PCDHA13: variants seen among roughly 807,000 people sequenced by gnomAD.
The protein encoded by PCDHA13 is protocadherin alpha-13.
A neutral mutation model predicts 64.8 loss-of-function variants in PCDHA13; 54 were observed. That is an observed-to-expected ratio of 0.83 (90% CI 0.67 to 1.04). The LOEUF is 1.04. PCDHA13 is among the 50% of genes least tolerant of loss of function. The pLI, the probability that PCDHA13 is intolerant of heterozygous loss-of-function variation, is 0.00. For missense variants in PCDHA13, 1,248 were observed against 1,254.3 expected, an observed-to-expected ratio of 0.99 and a Z score of 0.08; for synonymous variants, 587 against 564.4, an observed-to-expected ratio of 1.04 and a Z score of -0.57.
At chr5:140,936,244 T>C (rs879962489) in intron 1 of PCDHA13, among the ~76,000 whole-genome samples, 13 of 152,192 alleles carry the variant, frequency 8.5e-5, no homozygotes, top group Non-Finnish European at 1.6e-4. Context: ...AGAAAACATA[T>C]CCTGCTTCAA....
intron 1 of PCDHA13, among the ~76,000 whole-genome samples, chr5:140,900,334 G>A (rs552378783): frequency 4.2e-4 from 64 of 152,060 alleles, no homozygotes; most frequent in East Asian, 1.6e-3. Context: ...CTGGAGTACC[G>A]TGGCGCAATC....
At chr5:140,959,343 C>T (rs1370310453) in intron 1 of PCDHA13, among the ~76,000 whole-genome samples, 1 of 152,052 alleles carries the variant, frequency 6.6e-6, no homozygotes, top group Admixed American at 6.6e-5. Context: ...CTACTGCACT[C>T]CAGCGGGACA....
chr5:140,989,128 G>A (rs2097330831), intron 3 of PCDHA13: 1 of 152,178 alleles, frequency 6.6e-6, no homozygotes, highest in Non-Finnish European at 1.5e-5. Flanking sequence ...AGAAAAATAA[G>A]ACACTTTATC....
At chr5:140,993,151 TC>T (rs2097543126) in intron 3 of PCDHA13, among the ~76,000 whole-genome samples, 1 of 152,246 alleles carries the variant, frequency 6.6e-6, no homozygotes, top group Admixed American at 6.5e-5. Flanking sequence ...ATAAATGGAT[TC>T]TAAATATTTG....
At chr5:140,901,828 A>G (rs538492227) in intron 1 of PCDHA13, among the ~76,000 whole-genome samples, 1 of 152,318 alleles carries the variant, frequency 6.6e-6, no homozygotes, top group African/African-American at 2.4e-5. Flanking sequence ...CTTCCAGTCC[A>G]TAAACATGCA....
In PCDHA13 at chr5:140,882,806, T is replaced by A; in HGVS notation, c.538T>A (p.Leu180Met). 6.2e-7 allele frequency: 1 copy of A among 1,614,218 alleles called. No homozygotes were observed. The highest frequency in any genetic ancestry group is 8.5e-7 in the Non-Finnish European group (1 of 1,180,038). The change falls in exon 1 of 4, where the codon TTG becomes ATG. Residue 180 changes from leucine to methionine, a missense_variant. Leu to Met is a conservative substitution (Grantham distance 15). Transcript: ENST00000289272. The part of the protein sequence containing the change: ...YRLDPNDYFT[L>M]DAQNSLEQMS... The stretch of plus-strand genomic sequence containing the variant: ...ACTGGATCCCAACGATTATTTCACT[T>A]TGGACGCACAAAACAGTCTTGAGCA...
At chr5:140,927,657 T>A (rs1161396429) in intron 1 of PCDHA13, 6 of 1,614,050 alleles carry the variant, frequency 3.7e-6, no homozygotes, top group Non-Finnish European at 5.1e-6. Flanking sequence ...TATTCCGAGT[T>A]CAAGCCTTGG....
Position 140,883,066 on chromosome 5 carries a change from C to G in PCDHA13, c.798C>G (p.Ala266=). The change falls in exon 1 of 4, where the codon GCC becomes GCG. Residue 266 remains alanine (A), a synonymous_variant. Coordinates refer to ENST00000289272, the MANE Select transcript of PCDHA13 (RefSeq NM_018904.3). ...FNGTLVIKLN[A]TDPDDGTNGD... Reference sequence around the variant, plus strand: ...GAACATTAGTGATCAAGCTAAATGCCACAGATCCTGATGATGGTACAAATG... The same window carrying G: ...GAACATTAGTGATCAAGCTAAATGCGACAGATCCTGATGATGGTACAAATG... 6.2e-7 allele frequency: 1 copy of G among 1,614,070 alleles called. No homozygotes were observed.
intron 1 of PCDHA13, among the ~76,000 whole-genome samples, chr5:140,887,521 T>C (rs561642770): frequency 1.3e-5 from 2 of 152,346 alleles, no homozygotes; most frequent in Admixed American, 1.3e-4. Flanking sequence ...TTTTTATATA[T>C]GAGTCTTCCT....
chr5:140,912,380 G>T (rs2075901164), intron 1 of PCDHA13, among the ~76,000 whole-genome samples: 1 of 150,372 alleles, frequency 6.7e-6, no homozygotes, highest in African/African-American at 2.4e-5. Flanking sequence ...AAAAGGGATT[G>T]AGTTCTTAAT....
Position 140,884,295 on chromosome 5 carries a change from C to T in PCDHA13, c.2027C>T (p.Pro676Leu). The T allele has an allele frequency of 1.9e-6, 3 of 1,613,680 alleles. No individual in the cohort carries two copies. Among genetic ancestry groups the T allele is most frequent in the South Asian group, 2.2e-5 (2 of 91,066 alleles). The change falls in exon 1 of 4, where the codon CCA (proline) becomes CTA (leucine). Residue 676 changes from proline (P) to leucine (L), a missense_variant. Transcript: ENST00000289272. ...LLSLVESGQA[P>L]QASSRASAGA... ...TCGCTGGTGGAGAGCGGCCAAGCGC[C>T]ACAGGCTTCGTCGAGGGCGTCGGCA...
At chr5:140,968,345 G>A in intron 1 of PCDHA13, 2 of 1,614,132 alleles carry the variant, frequency 1.2e-6, no homozygotes, top group Non-Finnish European at 8.5e-7. Flanking sequence ...CATTAACAGT[G>A]CCAGTGGCAG....
intron 1 of PCDHA13, among the ~76,000 whole-genome samples, chr5:140,964,685 A>G (rs1209867922): frequency 1.3e-5 from 2 of 152,036 alleles, no homozygotes; most frequent in African/African-American, 4.8e-5. Context: ...CAATTTGTGC[A>G]CTTGAGAGAT....
At chr5:140,889,705 CA>C (rs1440108575) in intron 1 of PCDHA13, among the ~76,000 whole-genome samples, 2 of 152,132 alleles carry the variant, frequency 1.3e-5, no homozygotes, top group Non-Finnish European at 1.5e-5. Flanking sequence ...GCATATTCCA[CA>C]AGTTCTTTGC....
intron 1 of PCDHA13, among the ~76,000 whole-genome samples, chr5:140,900,021 T>A (rs1423634160): frequency 1.3e-5 from 2 of 152,092 alleles, no homozygotes; most frequent in Non-Finnish European, 2.9e-5. Context: ...TGTTACCCAG[T>A]TTGGCCTTGA....
At position 140,883,630 on chromosome 5, in the gene PCDHA13, G is replaced by A. The variant is rs1424400219; in HGVS notation, c.1362G>A (p.Ala454=). Reference sequence around the variant, plus strand: ...CCGACGTGAACGACAACGCGCCGGCGTTCGCGCAGCCCGAGTACACGGTGT... The same window carrying A: ...CCGACGTGAACGACAACGCGCCGGCATTCGCGCAGCCCGAGTACACGGTGT... ...GVADVNDNAP[A]FAQPEYTVFV... Residue 454 remains alanine (A), a synonymous_variant, in exon 1 of 4, where the codon GCG becomes GCA. Coordinates refer to ENST00000289272, the MANE Select transcript of PCDHA13 (RefSeq NM_018904.3). 3 of 1,613,848 alleles carry A rather than the reference G, an allele frequency of 1.9e-6. No individual in the cohort carries two copies. In the African/African-American group the frequency reaches 4.0e-5, roughly 22 times the overall value.
intron 3 of PCDHA13, among the ~76,000 whole-genome samples, chr5:141,006,271 G>T (rs2098264486): frequency 6.6e-6 from 1 of 151,918 alleles, no homozygotes; most frequent in Non-Finnish European, 1.5e-5. Context: ...GACTGCAGTG[G>T]CACGATCTCA....
chr5:140,920,841 T>TAAAAAAAA (rs781921146), intron 1 of PCDHA13, among the ~76,000 whole-genome samples: 2 of 109,228 alleles, frequency 1.8e-5, no homozygotes, highest in Non-Finnish European at 1.9e-5. Context: ...AGACCAAATC[T>TAAAAAAAA]AAAAAAAAAA....
rs1159995588 is a variant in PCDHA13, at chr5:140,947,341, A to G, written c.2395-31608A>G. ...GGTTGACCATAAATGTGTGGGCTTA[A>G]TTCTGGACTCTATTTCACTCCTTTG... is the stretch of plus-strand genomic sequence containing the variant. On this transcript the variant is annotated intron_variant, in intron 1 of 3. Transcript: ENST00000289272. Among the ~76,000 whole-genome samples the G allele has an allele frequency of 2.6e-5, 4 of 151,804 alleles. No individual in the cohort carries two copies. The South Asian group carries it at 6.2e-4, about 24-fold the overall frequency.
Sources: gnomAD v4.1 joint callset for allele counts (sites outside exome capture counted in the v4.1 genomes callset) on GRCh38, gnomAD v4.1.1 for gene constraint, MANE v1.5 for transcripts, NCBI Gene and HGNC (gene_info 2026-07-23, HGNC 2026-07-21) for gene names.